The following SOX6 variants were observed in gnomAD, a reference collection of about 807,000 sequenced individuals.
SOX6 encodes the protein SRY-box transcription factor 6, also known as transcription factor SOX-6.
A neutral mutation model predicts 97.8 loss-of-function variants in SOX6; 11 were observed. That is an observed-to-expected ratio of 0.11 (90% confidence interval 0.07 to 0.19). The LOEUF is 0.19. Ranked by LOEUF, SOX6 falls within the 10% of genes least tolerant of loss-of-function variation. The probability of loss-of-function intolerance (pLI) is 1.00; values close to 1 mark genes in which losing one functional copy is unlikely to be tolerated. For missense variants in SOX6, 810 were observed against 1,039.5 expected (o/e 0.78, Z 3.04); for synonymous variants, 360 against 371.4 (o/e 0.97, Z 0.35).
chr11:16,253,490 T>G (rs1254296135), intron 3 of SOX6, among the ~76,000 whole-genome samples: 1 of 152,044 alleles, frequency 6.6e-6, no homozygotes, highest in East Asian at 1.9e-4. Flanking sequence ...GTAGAGAGTA[T>G]GCAGACACAG....
At chr11:16,101,454 A>C in intron 7 of SOX6, among the ~76,000 whole-genome samples, 1 of 151,652 alleles carries the variant, frequency 6.6e-6, no homozygotes, top group East Asian at 1.9e-4. Context: ...CAATGATGAA[A>C]AGAGTCTTGA....
At chr11:16,039,767 T>A (rs1590150889) in intron 12 of SOX6, among the ~76,000 whole-genome samples, 1 of 152,092 alleles carries the variant, frequency 6.6e-6, no homozygotes. Context: ...TTTGTTATTG[T>A]TATCTTAAAT....
intron 3 of SOX6, among the ~76,000 whole-genome samples, chr11:16,712,910 T>C (rs899165788): frequency 6.6e-6 from 1 of 152,200 alleles, no homozygotes; most frequent in African/African-American, 2.4e-5. Context: ...ATAAATACTG[T>C]GAATGAATGA....
chr11:16,401,855 C>G (rs1192476536), intron 1 of SOX6, among the ~76,000 whole-genome samples: 3 of 151,426 alleles, frequency 2.0e-5, no homozygotes, highest in Non-Finnish European at 1.5e-5. Context: ...CAGCTTCAGT[C>G]ACATAAAGGT....
chr11:16,097,656 T>C lies in SOX6; in HGVS notation c.931A>G (p.Thr311Ala). Residue 311 changes from threonine (T) to alanine (A), a missense_variant, in exon 8 of 16, where the codon ACA becomes GCA. Transcript: ENST00000683767. ...CCAGAAGCAGCAGCAGCTGCCATTGTTGATGGAATGAACTGTACGGGGTAG... is the reference window on the plus strand; with the variant it reads ...CCAGAAGCAGCAGCAGCTGCCATTGCTGATGGAATGAACTGTACGGGGTAG... The part of the protein sequence containing the change: ...DNYPVQFIPS[T>A]MAAAAASGLS... 6.2e-7 allele frequency: 1 copy of C among 1,611,278 alleles called. No individual in the cohort carries two copies. Among genetic ancestry groups the C allele is most frequent in the South Asian group, 1.1e-5 (1 of 91,060 alleles).
chr11:16,362,353 T>C (rs1489877420), intron 1 of SOX6, among the ~76,000 whole-genome samples: 1 of 152,090 alleles, frequency 6.6e-6, no homozygotes, highest in Non-Finnish European at 1.5e-5. Flanking sequence ...CCCTCCCAGT[T>C]GCTTTCCATC....
intron 6 of SOX6, among the ~76,000 whole-genome samples, chr11:16,122,831 A>G (rs1849525740): frequency 6.6e-6 from 1 of 152,090 alleles, no homozygotes. Context: ...TTATTTAAAA[A>G]CTAAGCCATA....
intron 1 of SOX6, among the ~76,000 whole-genome samples, chr11:16,389,996 A>G (rs1420632152): frequency 6.7e-6 from 1 of 148,998 alleles, no homozygotes; most frequent in Non-Finnish European, 1.5e-5. Flanking sequence ...AAAAAAAAAA[A>G]GAAGCTTACT....
rs1849456781 is a variant in SOX6 at position 16,120,307 on chromosome 11, G to A, written c.778-8384C>T. On this transcript the variant is annotated intron_variant, in intron 6 of 15. Coordinates refer to ENST00000683767, the MANE Select transcript of SOX6 (RefSeq NM_001367873.1). ...TCCCTCTTCCTCTTTCCTTTCTCAG[G>A]TCCCATCAAGATAAGATACAAAACA... Among the ~76,000 whole-genome samples the A allele has an allele frequency of 2.0e-5, 3 of 148,090 alleles. No individual in the cohort carries two copies. In the South Asian group the frequency reaches 6.4e-4, roughly 31 times the overall value.
chr11:15,980,635 C>T (rs573744861), intron 15 of SOX6, among the ~76,000 whole-genome samples: 2 of 151,958 alleles, frequency 1.3e-5, no homozygotes, highest in African/African-American at 4.8e-5. Flanking sequence ...CTTTTTTTTA[C>T]TATTGAATAT....
intron 1 of SOX6, among the ~76,000 whole-genome samples, chr11:16,363,731 A>C (rs1188421889): frequency 1.3e-5 from 2 of 152,152 alleles, no homozygotes; most frequent in Non-Finnish European, 2.9e-5. Context: ...GTACTTATTA[A>C]TACCATACAA....
Position 16,163,790 on chromosome 11 carries a change from C to T in SOX6, c.777+20096G>A, listed in dbSNP as rs72866396. ...GCAAGATAGCAACCTGCACTATCTT[C>T]CTCTGTGGTTCCTGTGAACTGCAGT... On this transcript the variant is annotated intron_variant, in intron 6 of 15. Coordinates refer to ENST00000683767, the MANE Select transcript of SOX6 (RefSeq NM_001367873.1). 7.7e-3 allele frequency among the ~76,000 whole-genome samples: 1,173 copies of T among 152,288 alleles called. 10 individuals are homozygous for T. The highest frequency in any genetic ancestry group is 0.014 in the Middle Eastern group (4 of 294).
chr11:16,735,299 T>C (rs1848383234), intron 2 of SOX6, among the ~76,000 whole-genome samples: 1 of 152,196 alleles, frequency 6.6e-6, no homozygotes, highest in Non-Finnish European at 1.5e-5. Context: ...TTCAGCACAC[T>C]GGACACTAAC....
intron 15 of SOX6, among the ~76,000 whole-genome samples, chr11:15,979,987 A>T (rs1853611810): frequency 6.6e-6 from 1 of 152,118 alleles, no homozygotes; most frequent in Non-Finnish European, 1.5e-5. Flanking sequence ...CAGAACTCAG[A>T]CTGCTTGTAA....
intron 1 of SOX6, among the ~76,000 whole-genome samples, chr11:16,423,431 C>A (rs144877174): frequency 2.5e-4 from 38 of 152,180 alleles, no homozygotes; most frequent in Admixed American, 5.2e-4. Context: ...ATCCTTGTGA[C>A]GTTATTTTTG....
intron 3 of SOX6, among the ~76,000 whole-genome samples, chr11:16,614,792 T>C (rs957797400): frequency 2.6e-5 from 4 of 152,182 alleles, no homozygotes; most frequent in Non-Finnish European, 4.4e-5. Flanking sequence ...CTTGGATGCA[T>C]AGACATTATT....
rs767496030 is a variant in SOX6 at position 16,318,461 on chromosome 11, G to A, written c.430C>T (p.Arg144Trp). 4 of 1,612,390 alleles carry A rather than the reference G, an allele frequency of 2.5e-6. No homozygotes were observed. Among genetic ancestry groups the A allele is most frequent in the South Asian group, 1.1e-5 (1 of 91,026 alleles). The change falls in exon 3 of 16, where the codon CGG becomes TGG. Residue 144 changes from arginine to tryptophan, a missense_variant. Arg to Trp is a moderately radical substitution (Grantham distance 101). Coordinates refer to ENST00000683767, the MANE Select transcript of SOX6 (RefSeq NM_001367873.1). The part of the protein sequence containing the change: ...LKQKKLEEMT[R>W]TEQEDSSCME... ...CCACACATACCCTCTTGTTCAGTCC[G>A]AGTCATTTCCTCAAGCTTCTTCTGT... is the stretch of plus-strand genomic sequence containing the variant.
intron 1 of SOX6, among the ~76,000 whole-genome samples, chr11:16,393,750 T>C (rs1166678985): frequency 6.6e-6 from 1 of 152,114 alleles, no homozygotes; most frequent in African/African-American, 2.4e-5. Flanking sequence ...GCTAATTACA[T>C]GCCTTTAACC....
intron 4 of SOX6, among the ~76,000 whole-genome samples, chr11:16,500,488 G>A (rs915898309): frequency 3.9e-5 from 6 of 152,128 alleles, no homozygotes; most frequent in African/African-American, 1.4e-4. Flanking sequence ...AGGAAATAAA[G>A]GGTATTCAAT....
Sources: allele counts gnomAD v4.1 joint callset (sites outside exome capture counted in the v4.1 genomes callset), GRCh38; gene constraint gnomAD v4.1.1; transcripts MANE v1.5; gene names NCBI Gene and HGNC (gene_info 2026-07-23, HGNC 2026-07-21).